ADGRL3: variants seen among roughly 807,000 people sequenced by gnomAD.
ADGRL3 encodes adhesion G protein-coupled receptor L3.
ADGRL3 carries 62 observed loss-of-function variants against 153.5 expected under a neutral mutation model. The ratio of observed to expected loss-of-function variants is 0.40; its 90% CI spans 0.33 to 0.50. The LOEUF (loss-of-function observed/expected upper bound fraction) is 0.50, where lower values mean the gene tolerates loss of function less well. Among genes scored for constraint, ADGRL3 ranks in the 20% least tolerant of loss-of-function variants. The pLI, the probability that ADGRL3 is intolerant of heterozygous loss-of-function variation, is 0.47. For missense variants in ADGRL3, 1,641 were observed against 1,859.4 expected (o/e 0.88, Z 2.16); for synonymous variants, 710 against 672.5 (o/e 1.06, Z -0.86).
chr4:61,617,172 C>G (rs972897059), intron 5 of ADGRL3, among the ~76,000 whole-genome samples: 1 of 152,100 alleles, frequency 6.6e-6, no homozygotes, highest in Non-Finnish European at 1.5e-5. Flanking sequence ...TTCAGGTGGT[C>G]TGCATTGTTC....
intron 9 of ADGRL3, among the ~76,000 whole-genome samples, chr4:61,821,131 A>G (rs1293154814): frequency 3.3e-5 from 5 of 150,836 alleles, no homozygotes; most frequent in Non-Finnish European, 7.4e-5. Context: ...AGAATCCATT[A>G]TAGAAATTCT....
intron 21 of ADGRL3, among the ~76,000 whole-genome samples, chr4:62,007,638 C>T (rs911768309): frequency 1.3e-5 from 2 of 151,182 alleles, no homozygotes; most frequent in Non-Finnish European, 3.0e-5. Context: ...CCTTCTCTTC[C>T]TGCCTCCAGC....
At chr4:62,005,967 TACAC>T (rs59783179) in intron 21 of ADGRL3, among the ~76,000 whole-genome samples, 14,270 of 67,214 alleles carry the variant, frequency 0.21, 1,547 homozygotes, top group Non-Finnish European at 0.24. Context: ...TATATACACA[TACAC>T]ACACACACAC....
At chr4:61,365,998 G>T (rs1337861832) in intron 1 of ADGRL3, among the ~76,000 whole-genome samples, 2 of 152,008 alleles carry the variant, frequency 1.3e-5, no homozygotes, top group Non-Finnish European at 2.9e-5. Flanking sequence ...TTTTAGAACT[G>T]GTCTGAACTA....
chr4:61,670,092 G>A (rs1038458098), intron 5 of ADGRL3, among the ~76,000 whole-genome samples: 1 of 152,080 alleles, frequency 6.6e-6, no homozygotes, highest in African/African-American at 2.4e-5. Flanking sequence ...TCAAGAGATC[G>A]AGACCATCCT....
At chr4:61,332,460 C>T (rs965459127) in intron 1 of ADGRL3, among the ~76,000 whole-genome samples, 2 of 152,002 alleles carry the variant, frequency 1.3e-5, no homozygotes, top group Admixed American at 6.6e-5. Context: ...AAATGATATA[C>T]CTTCTTTGAT....
At chr4:61,824,817 G>A (rs2097786726) in intron 9 of ADGRL3, among the ~76,000 whole-genome samples, 2 of 152,188 alleles carry the variant, frequency 1.3e-5, no homozygotes, top group Non-Finnish European at 2.9e-5. Flanking sequence ...TAGAAGATAT[G>A]TATGATAAAA....
At chr4:61,233,910 G>T (rs1300389485) in intron 1 of ADGRL3, among the ~76,000 whole-genome samples, 1 of 152,128 alleles carries the variant, frequency 6.6e-6, no homozygotes, top group Admixed American at 6.6e-5. Flanking sequence ...AATAAAGGTA[G>T]TCTAGGTTAA....
chr4:61,319,156 G>C (rs749268106), intron 1 of ADGRL3, among the ~76,000 whole-genome samples: 2 of 152,088 alleles, frequency 1.3e-5, no homozygotes, highest in Non-Finnish European at 2.9e-5. Context: ...TCTCCCTGGG[G>C]TCATTTTTTG....
At chr4:61,750,949 G>A (rs966717908) in intron 8 of ADGRL3, among the ~76,000 whole-genome samples, 1 of 152,152 alleles carries the variant, frequency 6.6e-6, no homozygotes, top group East Asian at 1.9e-4. Flanking sequence ...TGGCCTGTTA[G>A]GAGCAGGGCC....
intron 2 of ADGRL3, among the ~76,000 whole-genome samples, chr4:61,423,117 A>G (rs547506146): frequency 6.6e-6 from 1 of 152,322 alleles, no homozygotes; most frequent in Admixed American, 6.5e-5. Context: ...GTAAAATTAT[A>G]TAGCTTATCT....
intron 3 of ADGRL3, among the ~76,000 whole-genome samples, chr4:61,507,884 G>C (rs1231435525): frequency 6.6e-6 from 1 of 152,156 alleles, no homozygotes; most frequent in Non-Finnish European, 1.5e-5. Context: ...GATTAAGGTA[G>C]AGTGCCTCAT....
chr4:61,282,592 AT>A (rs2093767577), intron 1 of ADGRL3, among the ~76,000 whole-genome samples: 1 of 151,676 alleles, frequency 6.6e-6, no homozygotes, highest in Non-Finnish European at 1.5e-5. Context: ...TTTTTTAGTC[AT>A]TTTTTTGGAT....
intron 4 of ADGRL3, among the ~76,000 whole-genome samples, chr4:61,540,403 G>A (rs2098682803): frequency 6.6e-6 from 1 of 151,998 alleles, no homozygotes; most frequent in Non-Finnish European, 1.5e-5. Flanking sequence ...ACAAAAATTA[G>A]CCAGGTGTAG....
chr4:61,218,725 G>A (rs1454419503), intron 1 of ADGRL3, among the ~76,000 whole-genome samples: 1 of 152,178 alleles, frequency 6.6e-6, no homozygotes, highest in Non-Finnish European at 1.5e-5. Flanking sequence ...CCTTCCTGAA[G>A]AAGGGAACCT....
chr4:61,616,265 G>T (rs1421558568), intron 5 of ADGRL3, among the ~76,000 whole-genome samples: 1 of 152,098 alleles, frequency 6.6e-6, no homozygotes, highest in Non-Finnish European at 1.5e-5. Flanking sequence ...TTAAAAAGCA[G>T]TGTCTTACTG....
At chr4:61,254,580 C>CT (rs1189804109) in intron 1 of ADGRL3, among the ~76,000 whole-genome samples, 12 of 152,130 alleles carry the variant, frequency 7.9e-5, no homozygotes, top group Non-Finnish European at 1.8e-4. Context: ...ATCACTTACC[C>CT]TTATAGATCC....
At chr4:61,555,780 G>A (rs1031549230) in intron 4 of ADGRL3, among the ~76,000 whole-genome samples, 4 of 152,152 alleles carry the variant, frequency 2.6e-5, no homozygotes, top group Non-Finnish European at 4.4e-5. Flanking sequence ...GCTAAACAAG[G>A]GGTGGATTAT....
At chr4:61,947,564 T>A (rs2098930542) in intron 16 of ADGRL3, among the ~76,000 whole-genome samples, 1 of 152,202 alleles carries the variant, frequency 6.6e-6, no homozygotes, top group African/African-American at 2.4e-5. Context: ...ACCTTTCTAC[T>A]GTCTACATGT....
Sources: gnomAD v4.1 joint callset for allele counts (sites outside exome capture counted in the v4.1 genomes callset) on GRCh38, gnomAD v4.1.1 for gene constraint, MANE v1.5 for transcripts, NCBI Gene and HGNC (gene_info 2026-07-23, HGNC 2026-07-21) for gene names.